Variants in SNX1 observed in about 807,000 individuals in gnomAD.
SNX1 encodes the protein sorting nexin 1, also known as sorting nexin-1.
In SNX1, 36 loss-of-function variants were observed where a neutral mutation model predicts 71.8. The ratio of observed to expected loss-of-function variants is 0.50; its 90% CI spans 0.38 to 0.66. The LOEUF is 0.66. SNX1 is among the 30% of genes least tolerant of loss of function. The pLI is 0.00. For synonymous variants in SNX1, 254 were observed against 240.7 expected, an observed-to-expected ratio of 1.06 and a Z score of -0.51; for missense variants, 612 against 646.7, an observed-to-expected ratio of 0.95 and a Z score of 0.58.
chr15:64,140,245 G>C lies in SNX1; in HGVS notation c.*2627G>C, dbSNP rs1206445776. 6.6e-6 allele frequency: 1 copy of C among 152,172 alleles called. No individual in the cohort carries two copies. Among genetic ancestry groups the C allele is most frequent in the African/African-American group, 2.4e-5 (1 of 41,438 alleles). The allele number at this position is 152,172 out of a possible 1,614,324, so 9.4% of individuals were successfully genotyped here. ...CTCCATAATGCCTTCTACATTTATT[G>C]GTTGACATTCTACATACAAAGAAAA... On this transcript the variant is annotated 3_prime_UTR_variant, in exon 15 of 15. Transcript: ENST00000559844.
At chr15:64,116,870 G>A (rs539115138) in intron 2 of SNX1, among the ~76,000 whole-genome samples, 1 of 152,204 alleles carries the variant, frequency 6.6e-6, no homozygotes, top group African/African-American at 2.4e-5. Flanking sequence ...GAGGGAATGA[G>A]TCGTTCTGTT....
rs937115882 is a variant in SNX1 at position 64,139,100 on chromosome 15, C to T, written c.*1482C>T. ...TCTCCCTACCCCTCAGTATCCTTACCATCAACTTTGGTTTTATCCTTCCAG... is the reference window on the plus strand; with the variant it reads ...TCTCCCTACCCCTCAGTATCCTTACTATCAACTTTGGTTTTATCCTTCCAG... On this transcript the variant is annotated 3_prime_UTR_variant, in exon 15 of 15. Transcript: ENST00000559844. 2.6e-5 allele frequency: 4 copies of T among 152,176 alleles called. No individual in the cohort carries two copies. Among genetic ancestry groups the T allele is most frequent in the African/African-American group, 9.7e-5 (4 of 41,428 alleles). 9.4% of individuals were successfully genotyped at this position (152,176 alleles called of 1,614,324 possible).
chr15:64,109,236 G>A (rs1414914703), intron 1 of SNX1, among the ~76,000 whole-genome samples: 1 of 151,920 alleles, frequency 6.6e-6, no homozygotes, highest in African/African-American at 2.4e-5. Flanking sequence ...AGTTGGGTGT[G>A]GTGGCACGCG....
rs140656810 is a variant in SNX1, at chr15:64,096,048, A to C, written c.35A>C (p.Glu12Ala). ...GGTGGTGGTGGCTGTAGCGCTTCGG[A>C]GAGACTGCCTCCGCCCTTCCCCGGC... ...ASGGGGCSASERLPPPFPGLE... is the reference protein window; with the variant it reads ...ASGGGGCSASARLPPPFPGLE... Residue 12 changes from glutamate to alanine, a missense_variant, in exon 1 of 15, where the codon GAG (glutamate) becomes GCG (alanine). Physicochemically the swap from Glu to Ala is moderately radical, Grantham distance 107. Transcript: ENST00000559844. The C allele has an allele frequency of 1.6e-5, 25 of 1,592,888 alleles. No individual in the cohort carries two copies. Among genetic ancestry groups the C allele is most frequent in the East Asian group, 9.1e-5 (4 of 44,172 alleles).
intron 1 of SNX1, among the ~76,000 whole-genome samples, chr15:64,100,482 C>T (rs1160172881): frequency 6.6e-6 from 1 of 151,908 alleles, no homozygotes; most frequent in Non-Finnish European, 1.5e-5. Flanking sequence ...CACCTGTAAT[C>T]CCAGCTGCTG....
At chr15:64,111,290 A>G (rs1448976774) in intron 1 of SNX1, among the ~76,000 whole-genome samples, 2 of 152,196 alleles carry the variant, frequency 1.3e-5, no homozygotes, top group African/African-American at 2.4e-5. Context: ...CAGCTAGAGG[A>G]CAGGACCACT....
At chr15:64,115,536 G>A in intron 2 of SNX1, 1 of 402,482 alleles carries the variant, frequency 2.5e-6, no homozygotes. Flanking sequence ...ATGAATTTCA[G>A]TAGAAGATGC....
intron 3 of SNX1, 139 bp from the exon 4 acceptor site, chr15:64,118,649 G>A (rs2081157820): frequency 3.3e-6 from 2 of 614,318 alleles, no homozygotes; most frequent in Non-Finnish European, 5.5e-6. Context: ...TGGTACATTG[G>A]GATTGTTGGG....
At chr15:64,136,190 G>GT in intron 12 of SNX1, 140 bp from the exon 13 acceptor site, 4 of 678,408 alleles carry the variant, frequency 5.9e-6, no homozygotes, top group Non-Finnish European at 1.1e-5. Context: ...GGAATCCTCT[G>GT]TGACACCTCA....
intron 1 of SNX1, among the ~76,000 whole-genome samples, chr15:64,107,764 G>A (rs1048585597): frequency 6.6e-6 from 1 of 151,976 alleles, no homozygotes; most frequent in Non-Finnish European, 1.5e-5. Flanking sequence ...AAAAGCAAGG[G>A]CGATTCTTTG....
rs1350809462 is a variant in SNX1, at chr15:64,139,823, T to C, written c.*2205T>C. On this transcript the variant is annotated 3_prime_UTR_variant, in exon 15 of 15. Transcript: ENST00000559844. ...CTCAATACTGCAGATTCCTCAACTT[T>C]CTTTTGTCTTTCATTACCATGACAT... 6.6e-6 allele frequency: 1 copy of C among 152,146 alleles called. No individual in the cohort carries two copies. The highest frequency in any genetic ancestry group is 2.4e-5 in the African/African-American group (1 of 41,418). The allele number at this position is 152,146 out of a possible 1,614,324, so 9.4% of individuals were successfully genotyped here.
chr15:64,102,513 A>G (rs1287308257), intron 1 of SNX1, among the ~76,000 whole-genome samples: 5 of 152,060 alleles, frequency 3.3e-5, no homozygotes, highest in African/African-American at 1.2e-4. Flanking sequence ...CCATTAACCA[A>G]CTTCTCCTCA....
At chr15:64,108,635 C>T (rs1360860864) in intron 1 of SNX1, among the ~76,000 whole-genome samples, 2 of 152,114 alleles carry the variant, frequency 1.3e-5, no homozygotes, top group African/African-American at 4.8e-5. Context: ...AGGTACTCTT[C>T]AGCCTTAAAA....
intron 4 of SNX1, among the ~76,000 whole-genome samples, chr15:64,121,657 A>G (rs1338195304): frequency 1.3e-5 from 2 of 152,206 alleles, no homozygotes; most frequent in Non-Finnish European, 1.5e-5. Context: ...AGGGGACACA[A>G]TTTATCCCAT....
rs1314087998 is a variant in SNX1, at chr15:64,112,597, A to G, written c.184A>G (p.Thr62Ala). Residue 62 changes from threonine to alanine, a missense_variant, in exon 2 of 15, where the codon ACT (threonine) becomes GCT (alanine). Thr to Ala is a moderately conservative substitution (Grantham distance 58). Coordinates refer to ENST00000559844, the MANE Select transcript of SNX1 (RefSeq NM_003099.5). ...GAGTAAACATCAGTCTCCAAAGATA[A>G]CTACATCCCTTCTTCCCATCAACAA... is the stretch of plus-strand genomic sequence containing the variant. ...VVSKHQSPKI[T>A]TSLLPINNGS... 1 of 1,611,452 alleles carries G rather than the reference A, an allele frequency of 6.2e-7. No homozygotes were observed. The highest frequency in any genetic ancestry group is 8.5e-7 in the Non-Finnish European group (1 of 1,178,098).
chr15:64,103,399 A>G (rs1346941140), intron 1 of SNX1, among the ~76,000 whole-genome samples: 1 of 151,886 alleles, frequency 6.6e-6, no homozygotes, highest in Non-Finnish European at 1.5e-5. Flanking sequence ...GTCTTTTTTT[A>G]TACATTGCTG....
At chr15:64,102,774 T>TTA (rs2080977741) in intron 1 of SNX1, among the ~76,000 whole-genome samples, 1 of 144,148 alleles carries the variant, frequency 6.9e-6, no homozygotes, top group South Asian at 2.3e-4. Context: ...TTTTTTTTTT[T>TTA]TTTTTTTTTT....
intron 2 of SNX1, among the ~76,000 whole-genome samples, chr15:64,117,898 T>G (rs2081148035): frequency 6.6e-6 from 1 of 152,240 alleles, no homozygotes; most frequent in Non-Finnish European, 1.5e-5. Context: ...TGGTTGTATT[T>G]GGAAAGAAGG....
intron 5 of SNX1, among the ~76,000 whole-genome samples, chr15:64,124,967 G>T (rs973119734): frequency 6.6e-6 from 1 of 152,130 alleles, no homozygotes; most frequent in East Asian, 1.9e-4. Flanking sequence ...TTTTTTGGTA[G>T]AAATCTGCTT....
Sources: allele counts gnomAD v4.1 joint callset (sites outside exome capture counted in the v4.1 genomes callset), GRCh38; gene constraint gnomAD v4.1.1; transcripts MANE v1.5; gene names NCBI Gene and HGNC (gene_info 2026-07-23, HGNC 2026-07-21).